CTPS2: variants seen among roughly 807,000 people sequenced by gnomAD.
CTPS2 encodes CTP synthase II.
CTPS2 carries 19 observed loss-of-function variants against 46.8 expected under a neutral mutation model. The observed-to-expected ratio is 0.41, with a 90% CI of 0.28 to 0.60. The LOEUF is 0.60. CTPS2 is among the 20% of genes least tolerant of loss of function. The pLI, the probability that CTPS2 is intolerant of heterozygous loss-of-function variation, is 0.35. For missense variants in CTPS2, 286 were observed against 447.6 expected (o/e 0.64, Z 3.26); for synonymous variants, 151 against 165.2 (o/e 0.91, Z 0.66).
At chrX:16,677,706 A>T (rs1194384648) in intron 10 of CTPS2, among the ~76,000 whole-genome samples, 1 of 111,906 alleles carries the variant, frequency 8.9e-6, no homozygotes, top group Admixed American at 9.5e-5. Context: ...GTTGCAGTAA[A>T]GAAGCCAGCT....
chrX:16,700,610 T>A (rs1924485328), intron 2 of CTPS2, among the ~76,000 whole-genome samples: 1 of 107,267 alleles, frequency 9.3e-6, no homozygotes, highest in African/African-American at 3.4e-5. Context: ...GAAAATTTGG[T>A]GTAACACATG....
At chrX:16,676,072 G>A (rs374232185) in intron 10 of CTPS2, among the ~76,000 whole-genome samples, 7 of 111,860 alleles carry the variant, frequency 6.3e-5, no homozygotes, top group African/African-American at 2.3e-4. Flanking sequence ...GGGAAATTTG[G>A]AATTTGTGAG....
intron 3 of CTPS2, 71 bp from the exon 4 acceptor site, chrX:16,698,407 C>T (rs1005820468): frequency 1.4e-6 from 1 of 708,758 alleles, no homozygotes; most frequent in Non-Finnish European, 2.2e-6. Context: ...TAGGCCTCCC[C>T]AATCACCTGA....
At chrX:16,636,593 C>T (rs750705478) in intron 14 of CTPS2, among the ~76,000 whole-genome samples, 15 of 111,347 alleles carry the variant, frequency 1.3e-4, no homozygotes, top group African/African-American at 2.9e-4. Flanking sequence ...CCTAAAATTG[C>T]GGTGATGGTT....
At chrX:16,659,046 T>C (rs1167362626) in intron 13 of CTPS2, among the ~76,000 whole-genome samples, 1 of 112,453 alleles carries the variant, frequency 8.9e-6, no homozygotes, top group Non-Finnish European at 1.9e-5. Context: ...AGATTTTTCA[T>C]ATCTTCATTC....
rs764412368 is a variant in CTPS2, at chrX:16,612,665, C to T, written c.1547-2980G>A. 4.2e-4 allele frequency among the ~76,000 whole-genome samples: 47 copies of T among 111,997 alleles called. 1 individual carries two copies. The highest frequency in any genetic ancestry group is 1.4e-3 in the African/African-American group (43 of 30,835). Reference sequence around the variant, plus strand: ...TCCATCAGAAAGACTCCTGGAAATGCGTACTTACTATTCTAATTCAAAACT... The same window carrying T: ...TCCATCAGAAAGACTCCTGGAAATGTGTACTTACTATTCTAATTCAAAACT... On this transcript the variant is annotated intron_variant, in intron 16 of 18. Coordinates refer to ENST00000359276, the MANE Select transcript of CTPS2 (RefSeq NM_175859.3).
At chrX:16,678,116 A>T (rs1418765638) in intron 10 of CTPS2, among the ~76,000 whole-genome samples, 1 of 112,009 alleles carries the variant, frequency 8.9e-6, no homozygotes, top group African/African-American at 3.2e-5. Context: ...AGGAGAATCA[A>T]CACACTTTCC....
At chrX:16,685,693 C>G (rs182186542) in intron 8 of CTPS2, among the ~76,000 whole-genome samples, 1,119 of 103,180 alleles carry the variant, frequency 0.011, 11 homozygotes, top group Non-Finnish European at 0.017. Context: ...CCCATCTCTA[C>G]TAAAAAAATA....
chrX:16,699,310 C>T (rs1390605567), intron 2 of CTPS2, among the ~76,000 whole-genome samples: 3 of 110,866 alleles, frequency 2.7e-5, no homozygotes, highest in Non-Finnish European at 5.7e-5. Context: ...TTTTTTTAAT[C>T]TACTGAAATT....
chrX:16,683,061 C>T (rs769709480), intron 9 of CTPS2, 33 bp downstream of exon 9: 4 of 1,206,806 alleles, frequency 3.3e-6, no homozygotes, highest in Non-Finnish European at 3.4e-6. Flanking sequence ...GCATGAATTA[C>T]TGAGATAGCC....
At chrX:16,650,474 C>T (rs1932550027) in intron 13 of CTPS2, among the ~76,000 whole-genome samples, 1 of 106,492 alleles carries the variant, frequency 9.4e-6, no homozygotes, top group Non-Finnish European at 1.9e-5. Context: ...AACAGATGTA[C>T]TCTAAGAACA....
chrX:16,676,057 G>A (rs1204973134), intron 10 of CTPS2, among the ~76,000 whole-genome samples: 1 of 111,936 alleles, frequency 8.9e-6, no homozygotes, highest in East Asian at 2.8e-4. Flanking sequence ...GATTTGTCCA[G>A]AATTGGGAAA....
At chrX:16,688,674 A>C (rs1026359114) in intron 8 of CTPS2, among the ~76,000 whole-genome samples, 1 of 111,681 alleles carries the variant, frequency 9.0e-6, no homozygotes, top group Non-Finnish European at 1.9e-5. Context: ...TGAACAGTTA[A>C]TGAATGCAGG....
chrX:16,667,638 G>T, intron 12 of CTPS2, 24 bp downstream of exon 12: 1 of 1,208,366 alleles, frequency 8.3e-7, no homozygotes, highest in South Asian at 1.8e-5. Flanking sequence ...TAAATAAATG[G>T]TCATTAGCAA....
intron 1 of CTPS2, among the ~76,000 whole-genome samples, chrX:16,709,984 C>T (rs1925350527): frequency 9.1e-6 from 1 of 109,874 alleles, no homozygotes; most frequent in Non-Finnish European, 1.9e-5. Flanking sequence ...AAATGAAGGC[C>T]TCAGAAGCAA....
chrX:16,646,613 T>C (rs1390718958), intron 13 of CTPS2, among the ~76,000 whole-genome samples: 1 of 112,706 alleles, frequency 8.9e-6, no homozygotes, highest in Non-Finnish European at 1.9e-5. Context: ...CTATACTTTC[T>C]GGGAAAGCAG....
At chrX:16,631,462 C>T (rs1312632714) in intron 14 of CTPS2, among the ~76,000 whole-genome samples, 3 of 111,354 alleles carry the variant, frequency 2.7e-5, no homozygotes, top group Admixed American at 9.6e-5. Context: ...GAGGCTGCAG[C>T]GAGCTACGAT....
intron 17 of CTPS2, among the ~76,000 whole-genome samples, chrX:16,604,000 T>C (rs73448237): frequency 0.025 from 2,821 of 111,364 alleles, 101 homozygotes; most frequent in African/African-American, 0.087. Flanking sequence ...CGGAAGGAAC[T>C]GGCTTCAGGT....
chrX:16,618,969 A>T (rs1367062735), intron 15 of CTPS2, among the ~76,000 whole-genome samples: 1 of 111,925 alleles, frequency 8.9e-6, no homozygotes. Context: ...ACCAGATGCA[A>T]AATAGGTGTG....
Sources: gnomAD v4.1 joint callset for allele counts (sites outside exome capture counted in the v4.1 genomes callset) on GRCh38, gnomAD v4.1.1 for gene constraint, MANE v1.5 for transcripts, NCBI Gene and HGNC (gene_info 2026-07-23, HGNC 2026-07-21) for gene names.